ATP2C1: variants seen among roughly 807,000 people sequenced by gnomAD.
ATP2C1 encodes the protein calcium-transporting ATPase type 2C member 1.
In ATP2C1, 31 loss-of-function variants were observed where a neutral mutation model predicts 120.5. That is an observed-to-expected ratio of 0.26 (90% CI 0.19 to 0.35). The LOEUF is 0.35. ATP2C1 is among the 10% of genes least tolerant of loss of function. ATP2C1 has a pLI of 1.00. For missense variants in ATP2C1, 731 were observed against 1,107.5 expected (o/e 0.66, Z 4.83); for synonymous variants, 351 against 358.7 (o/e 0.98, Z 0.24).
intron 8 of ATP2C1, among the ~76,000 whole-genome samples, chr3:130,952,169 T>C (rs965258534): frequency 3.9e-5 from 6 of 152,170 alleles, no homozygotes; most frequent in African/African-American, 1.4e-4. Flanking sequence ...TTTGTTGTTT[T>C]CCCTCTACCT....
intron 18 of ATP2C1, 53 bp from the exon 19 acceptor site, chr3:130,979,196 G>A (rs2061650643): frequency 1.3e-6 from 2 of 1,574,830 alleles, no homozygotes; most frequent in Non-Finnish European, 1.7e-6. Flanking sequence ...AAATTCTGAT[G>A]TTTTCATGAC....
In ATP2C1 at chr3:130,979,416, A is replaced by G. The variant is rs1282232888; in HGVS notation, c.1738A>G (p.Ile580Val). 1.2e-6 allele frequency: 2 copies of G among 1,613,180 alleles called. No individual in the cohort carries two copies. The highest frequency in any genetic ancestry group is 1.7e-6 in the Non-Finnish European group (2 of 1,179,480). Residue 580 changes from isoleucine (I) to valine (V), a missense_variant, in exon 19 of 28, where the codon ATC becomes GTC. Physicochemically the swap from Ile to Val is conservative, Grantham distance 29 (BLOSUM62 3). This residue lies in a region of ATP2C1 where 571 missense variants were observed against 845.9 expected (regional missense o/e 0.67). Coordinates refer to ENST00000510168, the MANE Select transcript of ATP2C1 (RefSeq NM_001378687.1). ...AGATTCACAGGAGACTGCAGTTGCA[A>G]TCGGTATAACTAGACTGCTTTCTTT... ...TGDSQETAVA[I>V]ASRLGLYSKT...
intron 20 of ATP2C1, among the ~76,000 whole-genome samples, chr3:130,987,107 TAA>T (rs756019367): frequency 4.0e-4 from 55 of 136,904 alleles, no homozygotes; most frequent in Admixed American, 4.4e-4. Flanking sequence ...CTTGGGTAAT[TAA>T]AAAAAAAAAA....
chr3:130,891,617 T>C (rs1199566465), upstream of ATP2C1, among the ~76,000 whole-genome samples: 2 of 152,202 alleles, frequency 1.3e-5, no homozygotes, highest in Non-Finnish European at 2.9e-5. Context: ...TTGCCATCAA[T>C]CCCATTGTAG....
intron 17 of ATP2C1, among the ~76,000 whole-genome samples, chr3:130,972,737 A>G (rs2061382481): frequency 6.7e-6 from 1 of 150,048 alleles, no homozygotes; most frequent in Non-Finnish European, 1.5e-5. Context: ...TCCTTGCGAT[A>G]GTTTACTGAG....
At chr3:130,966,919 A>G (rs2061070947) in intron 14 of ATP2C1, among the ~76,000 whole-genome samples, 1 of 152,170 alleles carries the variant, frequency 6.6e-6, no homozygotes, top group Non-Finnish European at 1.5e-5. Context: ...TAATTAGAAA[A>G]CAATGTCTTT....
chr3:130,889,361 A>C (rs1023493883), upstream of ATP2C1, among the ~76,000 whole-genome samples: 1 of 152,212 alleles, frequency 6.6e-6, no homozygotes, highest in Non-Finnish European at 1.5e-5. Flanking sequence ...CCTAGTGTAC[A>C]ATGCTTTTTG....
At chr3:130,925,258 A>G (rs918377914) in intron 2 of ATP2C1, among the ~76,000 whole-genome samples, 2 of 152,190 alleles carry the variant, frequency 1.3e-5, no homozygotes, top group South Asian at 2.1e-4. Flanking sequence ...CTTTTGTCCC[A>G]TGGGGTTCTC....
Position 130,936,830 on chromosome 3 carries a change from A to AC in ATP2C1, c.325-598_325-597insC, listed in dbSNP as rs1368328514. Reference sequence around the variant, plus strand: ...AGACTCTGTCTCAAAAAAAAAAAAAAAAAAAACTCCTCCCTAAAAAAAATA... The same window carrying AC: ...AGACTCTGTCTCAAAAAAAAAAAAAACAAAAAACTCCTCCCTAAAAAAAATA... On this transcript the variant is annotated intron_variant, in intron 5 of 27. Transcript: ENST00000510168. Among the ~76,000 whole-genome samples the AC allele has an allele frequency of 1.2e-4, 18 of 150,994 alleles. No individual in the cohort carries two copies. The South Asian group carries it at 3.3e-3, about 28-fold the overall frequency.
At chr3:130,918,956 C>T in intron 2 of ATP2C1, 1 of 371,748 alleles carries the variant, frequency 2.7e-6, no homozygotes, top group South Asian at 2.1e-5. Flanking sequence ...CGCGCCACTG[C>T]ACTCCAGCCT....
At chr3:130,973,245 T>A (rs1745657) in intron 17 of ATP2C1, among the ~76,000 whole-genome samples, 76,819 of 151,928 alleles carry the variant, frequency 0.51, 22,331 homozygotes, top group Non-Finnish European at 0.66. Context: ...GCCCACCAAC[T>A]GCTCAGCACA....
upstream of ATP2C1, among the ~76,000 whole-genome samples, chr3:130,889,638 C>CTTTTTTTTTTTTTTTTTTT (rs1170424148): frequency 1.3e-5 from 1 of 77,650 alleles, no homozygotes; most frequent in Non-Finnish European, 2.3e-5. Context: ...ATTCTTTAAA[C>CTTTTTTTTTTTTTTTTTTT]TTTTTTTTTT....
chr3:130,953,660 T>C (rs2060464564), intron 8 of ATP2C1, among the ~76,000 whole-genome samples, 161 bp from the exon 9 acceptor site: 1 of 152,224 alleles, frequency 6.6e-6, no homozygotes, highest in Non-Finnish European at 1.5e-5. Context: ...TTTTAAAATA[T>C]GATTGTACTG....
At chr3:131,016,622 C>T in exon 27 of ATP2C1, 1 of 429,262 alleles carries the variant, frequency 2.3e-6, no homozygotes. Context: ...AACATGTCTG[C>T]ATTTGAATTC....
chr3:130,936,816 C>CAAAAAAAAAAAAAAAAAAAAAAAAAAA (rs34156218), intron 5 of ATP2C1, among the ~76,000 whole-genome samples: 1 of 77,958 alleles, frequency 1.3e-5, no homozygotes. Flanking sequence ...GACTCTGTCT[C>CAAAAAAAAAAAAAAAAAAAAAAAAAAA]AAAAAAAAAA....
At chr3:130,993,801 C>A in intron 21 of ATP2C1, 131 bp from the exon 22 acceptor site, 1 of 922,486 alleles carries the variant, frequency 1.1e-6, no homozygotes, top group Non-Finnish European at 1.7e-6. Context: ...GTTCATTGAA[C>A]AATGGGTGGT....
chr3:130,945,964 G>A (rs552547026), intron 8 of ATP2C1, among the ~76,000 whole-genome samples: 2 of 150,882 alleles, frequency 1.3e-5, no homozygotes, highest in East Asian at 3.9e-4. Flanking sequence ...TTTCTAAGCC[G>A]AATAATACAT....
At chr3:130,893,528 C>T (rs920831904), upstream of ATP2C1, among the ~76,000 whole-genome samples, 1 of 152,344 alleles carries the variant, frequency 6.6e-6, no homozygotes, top group East Asian at 1.9e-4. Context: ...AGGCTGCTCA[C>T]GGTGCTCCAG....
rs1212497318 is a variant in ATP2C1 at position 130,869,091 on chromosome 3, T to C, written c.108+18163T>C. On this transcript the variant is annotated intron_variant, in intron 1 of 26. Transcript: ENST00000504381. Reference sequence around the variant, plus strand: ...TTTTGTTCTGTACTAAGAAAAATTCTTCTGCCTTGGGATCCTGTTGATCTG... The same window carrying C: ...TTTTGTTCTGTACTAAGAAAAATTCCTCTGCCTTGGGATCCTGTTGATCTG... 4 of 166,758 alleles carry C rather than the reference T, an allele frequency of 2.4e-5. No individual in the cohort carries two copies. In the East Asian group the frequency reaches 5.9e-4, roughly 25 times the overall value. 10.3% of individuals were successfully genotyped at this position (166,758 alleles called of 1,614,324 possible). A position where few individuals can be genotyped will look rare whatever the true frequency, so the allele number is the denominator to read the frequency against.
Sources: gnomAD v4.1 joint callset for allele counts (sites outside exome capture counted in the v4.1 genomes callset) on GRCh38, gnomAD v4.1.1 for gene constraint, gnomAD v4.1.1 regional missense constraint, MANE v1.5 for transcripts, NCBI Gene and HGNC (gene_info 2026-07-23, HGNC 2026-07-21) for gene names.